ALG14: variants seen among roughly 807,000 people sequenced by gnomAD.
The protein encoded by ALG14 is ALG14 UDP-N-acetylglucosaminyltransferase subunit.
ALG14 carries 17 observed loss-of-function variants against 22.8 expected under a neutral mutation model. The observed-to-expected ratio is 0.75, with a 90% CI of 0.51 to 1.12. The LOEUF (loss-of-function observed/expected upper bound fraction) is 1.12, where lower values mean the gene tolerates loss of function less well. ALG14 is among the 50% of genes most tolerant of loss of function. ALG14 has a pLI of 0.00. For missense variants in ALG14, 288 were observed against 271.8 expected, an observed-to-expected ratio of 1.06 and a Z score of -0.42; for synonymous variants, 89 against 103.7, an observed-to-expected ratio of 0.86 and a Z score of 0.86.
chr1:95,072,292 C>G (rs963313466), intron 1 of ALG14, among the ~76,000 whole-genome samples: 3 of 152,076 alleles, frequency 2.0e-5, no homozygotes, highest in African/African-American at 7.2e-5. Context: ...TCTGCCACCG[C>G]GTGTGTATTG....
intron 3 of ALG14, among the ~76,000 whole-genome samples, chr1:94,997,940 G>GGGTAT (rs1269014906): frequency 6.6e-6 from 1 of 152,102 alleles, no homozygotes; most frequent in Non-Finnish European, 1.5e-5. Flanking sequence ...ATCCCACTGA[G>GGGTAT]GGTATGGCTG....
At chr1:95,059,167 G>A (rs920397314) in intron 2 of ALG14, among the ~76,000 whole-genome samples, 2 of 151,888 alleles carry the variant, frequency 1.3e-5, no homozygotes, top group Admixed American at 1.3e-4. Context: ...AAGAGGCTGA[G>A]GCAAGCGGAT....
chr1:95,072,628 G>C (rs779400163), intron 1 of ALG14, 135 bp downstream of exon 1: 2 of 1,326,642 alleles, frequency 1.5e-6, no homozygotes, highest in Non-Finnish European at 2.1e-6. Context: ...CCCGGTTCCG[G>C]CAAGGCAGAG....
At chr1:95,033,112 T>TA (rs1157944913) in intron 2 of ALG14, among the ~76,000 whole-genome samples, 1 of 152,062 alleles carries the variant, frequency 6.6e-6, no homozygotes, top group Non-Finnish European at 1.5e-5. Flanking sequence ...TTGTTTTTGT[T>TA]AGTCTGTACC....
chr1:95,011,179 G>A (rs60219865), intron 3 of ALG14, among the ~76,000 whole-genome samples: 7,939 of 152,152 alleles, frequency 0.052, 583 homozygotes, highest in East Asian at 0.37. Flanking sequence ...TCACCTCCAC[G>A]GTGATGATAT....
chr1:94,984,561 C>T (rs941660411), intron 3 of ALG14, among the ~76,000 whole-genome samples: 2 of 152,324 alleles, frequency 1.3e-5, no homozygotes, highest in Admixed American at 1.3e-4. Context: ...TTCCTCAAAG[C>T]TCTCTACCTA....
chr1:95,005,685 A>G (rs1673199128), intron 3 of ALG14, among the ~76,000 whole-genome samples: 1 of 152,190 alleles, frequency 6.6e-6, no homozygotes, highest in African/African-American at 2.4e-5. Flanking sequence ...TAAAAGAGGA[A>G]CAAAACTGGA....
chr1:94,983,304 C>T lies in ALG14; in HGVS notation c.423G>A (p.Val141=), dbSNP rs1672547192. 2 of 1,612,294 alleles carry T rather than the reference C, an allele frequency of 1.2e-6. No homozygotes were observed. Among genetic ancestry groups the T allele is most frequent in the Admixed American group, 3.3e-5 (2 of 59,804 alleles). The change falls in exon 4 of 4, where the codon GTG becomes GTA. Residue 141 remains valine (V), a splice_region_variant and synonymous_variant. Coordinates refer to ENST00000370205, the MANE Select transcript of ALG14 (RefSeq NM_144988.4). Reference sequence around the variant, plus strand: ...CACATGTTCCTGGTCCGTTACACAACACCTGAAAGAAAAAGTTGAAGGTCA... The same window carrying T: ...CACATGTTCCTGGTCCGTTACACAATACCTGAAAGAAAAAGTTGAAGGTCA... The part of the protein sequence containing the change: ...PLIHRVKPDL[V]LCNGPGTCVP...
At chr1:95,060,552 TAA>T (rs200328047) in intron 2 of ALG14, among the ~76,000 whole-genome samples, 10 of 138,718 alleles carry the variant, frequency 7.2e-5, no homozygotes, top group East Asian at 2.1e-4. Context: ...CTGTCTCTAT[TAA>T]AAAAAAAAAA....
At chr1:95,066,853 T>G (rs6666980) in intron 1 of ALG14, among the ~76,000 whole-genome samples, 235 of 151,874 alleles carry the variant, frequency 1.5e-3, no homozygotes, top group African/African-American at 5.4e-3. Flanking sequence ...AGAGCGAGAC[T>G]CTGTCTCAAA....
In ALG14 at chr1:94,981,586, G is replaced by C. The variant is rs1248010034; in HGVS notation, c.*1490C>G. 6.7e-6 allele frequency: 1 copy of C among 149,630 alleles called. No individual in the cohort carries two copies. Among genetic ancestry groups the C allele is most frequent in the Non-Finnish European group, 1.5e-5 (1 of 67,690 alleles). 9.3% of individuals were successfully genotyped at this position (149,630 alleles called of 1,614,324 possible). A position where few individuals can be genotyped will look rare whatever the true frequency, so the allele number is the denominator to read the frequency against. On this transcript the variant is annotated 3_prime_UTR_variant, in exon 4 of 4. Transcript: ENST00000370205. The stretch of plus-strand genomic sequence containing the variant: ...TCACTTCACTAATCACTATTTATTA[G>C]ATTTATATCATACTTATAAAGCAAA...
At chr1:95,042,679 A>G (rs1674420048) in intron 2 of ALG14, among the ~76,000 whole-genome samples, 1 of 152,162 alleles carries the variant, frequency 6.6e-6, no homozygotes, top group Non-Finnish European at 1.5e-5. Context: ...CTCAAATGTG[A>G]TTCCTTTTCT....
chr1:95,039,470 C>T (rs1281811327), intron 2 of ALG14, among the ~76,000 whole-genome samples: 5 of 152,020 alleles, frequency 3.3e-5, no homozygotes, highest in Non-Finnish European at 4.4e-5. Flanking sequence ...AGATTTAGGA[C>T]GCTGGAGAGT....
intron 1 of ALG14, among the ~76,000 whole-genome samples, chr1:95,070,141 G>A (rs1481177617): frequency 6.6e-6 from 1 of 152,160 alleles, no homozygotes; most frequent in African/African-American, 2.4e-5. Flanking sequence ...ACATCCAGAA[G>A]GAAAGGAATG....
At chr1:95,057,922 G>GA (rs1249173327) in intron 2 of ALG14, among the ~76,000 whole-genome samples, 7 of 151,712 alleles carry the variant, frequency 4.6e-5, no homozygotes, top group South Asian at 4.1e-4. Context: ...ACTCTGAGAG[G>GA]AAAAAATTAT....
intron 3 of ALG14, chr1:94,983,550 T>C: frequency 2.0e-6 from 1 of 500,670 alleles, no homozygotes; most frequent in Non-Finnish European, 3.6e-6. Flanking sequence ...ATCACTTAAC[T>C]TCTAACTTCT....
chr1:94,989,820 A>G (rs1371492370), intron 3 of ALG14, among the ~76,000 whole-genome samples: 1 of 152,220 alleles, frequency 6.6e-6, no homozygotes, highest in Non-Finnish European at 1.5e-5. Flanking sequence ...TTCTGTTTCA[A>G]TCAGCCAGAG....
intron 3 of ALG14, among the ~76,000 whole-genome samples, chr1:94,993,542 A>G (rs1672831809): frequency 6.6e-6 from 1 of 151,824 alleles, no homozygotes; most frequent in African/African-American, 2.4e-5. Flanking sequence ...ACTTCCACCA[A>G]CGGTGGATGC....
chr1:95,049,564 A>C (rs1161843601), intron 2 of ALG14, among the ~76,000 whole-genome samples: 1 of 151,996 alleles, frequency 6.6e-6, no homozygotes, highest in Non-Finnish European at 1.5e-5. Flanking sequence ...ATAAAAAATA[A>C]GGGCCAGGCA....
Sources: allele counts gnomAD v4.1 joint callset (sites outside exome capture counted in the v4.1 genomes callset), GRCh38; gene constraint gnomAD v4.1.1; transcripts MANE v1.5; gene names NCBI Gene and HGNC (gene_info 2026-07-23, HGNC 2026-07-21).